Variants in FBXO27 observed in about 807,000 individuals in gnomAD.
The protein encoded by FBXO27 is F-box only protein 27.
A neutral mutation model predicts 28.3 loss-of-function variants in FBXO27; 28 were observed. That is an observed-to-expected ratio of 0.99 (90% confidence interval 0.73 to 1.36). The LOEUF (loss-of-function observed/expected upper bound fraction) is 1.36. Among genes scored for constraint, FBXO27 ranks in the 40% most tolerant of loss-of-function variants. The pLI, the probability that FBXO27 is intolerant of heterozygous loss-of-function variation, is 0.00. For missense variants in FBXO27, 388 were observed against 394.1 expected, an observed-to-expected ratio of 0.98 and a Z score of 0.13; for synonymous variants, 175 against 167.3, an observed-to-expected ratio of 1.05 and a Z score of -0.36.
chr19:39,031,081 G>A lies in FBXO27; in HGVS notation c.520C>T (p.Leu174=). ...CCACTATCCAGCAGTTCTGGCCACAGACCCTCCTCCTCTAGGTCCAAGACC... is the reference window on the plus strand; with the variant it reads ...CCACTATCCAGCAGTTCTGGCCACAAACCCTCCTCCTCTAGGTCCAAGACC... ...KQVLDLEEEG[L]WPELLDSGRI... The change falls in exon 4 of 6, where the codon CTG becomes TTG. Residue 174 remains leucine, a synonymous_variant. Transcript: ENST00000292853. 6.2e-7 allele frequency: 1 copy of A among 1,614,130 alleles called. No individual in the cohort carries two copies.
chr19:39,023,427 G>A (rs569794384), downstream of FBXO27, among the ~76,000 whole-genome samples: 1 of 152,192 alleles, frequency 6.6e-6, no homozygotes, highest in South Asian at 2.1e-4. Context: ...ACTGTTTACT[G>A]TCTTTGACCC....
intron 4 of FBXO27, among the ~76,000 whole-genome samples, chr19:39,029,975 G>C (rs1224488138): frequency 2.0e-5 from 3 of 152,134 alleles, no homozygotes; most frequent in Non-Finnish European, 1.5e-5. Context: ...CTGAGTAGCT[G>C]GGACTACAGA....
intron 2 of FBXO27, chr19:39,031,542 T>G (rs1382393416): frequency 9.1e-6 from 5 of 546,508 alleles, no homozygotes; most frequent in African/African-American, 2.5e-5. Flanking sequence ...CTCCAACCCC[T>G]CTCTCGGGCT....
At chr19:39,030,227 AG>A (rs1422502885) in intron 4 of FBXO27, among the ~76,000 whole-genome samples, 1 of 152,176 alleles carries the variant, frequency 6.6e-6, no homozygotes, top group Non-Finnish European at 1.5e-5. Flanking sequence ...CACAGGATCA[AG>A]GTTCAAAAAA....
At chr19:39,020,133 G>T (rs1009749140), downstream of FBXO27, among the ~76,000 whole-genome samples, 1 of 152,108 alleles carries the variant, frequency 6.6e-6, no homozygotes, top group Non-Finnish European at 1.5e-5. Flanking sequence ...GTAAGGAAGA[G>T]AAGCAAGCAC....
Position 39,025,411 on chromosome 19 carries a change from C to G in FBXO27, c.852G>C (p.Ter284TyrextTer26), listed in dbSNP as rs1568459876. Residue 284 changes from the stop codon to tyrosine (Y), a stop_lost, in exon 6 of 6, where the codon TAG (stop) becomes TAC (tyrosine). Transcript: ENST00000292853. Reference sequence around the variant, plus strand: ...GTCTTGCAAGAAGGGTAGTGCTGGACTAGGACAGACGGACTCGCACGATCA... The same window carrying G: ...GTCTTGCAAGAAGGGTAGTGCTGGAGTAGGACAGACGGACTCGCACGATCA... ...SSVIVRVRLS[*>Y] 1.2e-6 allele frequency: 2 copies of G among 1,612,844 alleles called. No individual in the cohort carries two copies. The highest frequency in any genetic ancestry group is 1.7e-6 in the Non-Finnish European group (2 of 1,179,492).
At chr19:39,030,426 T>C (rs909755697) in intron 4 of FBXO27, 1 of 152,872 alleles carries the variant, frequency 6.5e-6, no homozygotes, top group African/African-American at 2.4e-5. Context: ...TATGCTGTTT[T>C]CTCCTCCTAA....
intron 1 of FBXO27, among the ~76,000 whole-genome samples, chr19:39,015,017 CA>C (rs35545169): frequency 4.8e-4 from 61 of 125,864 alleles, no homozygotes; most frequent in Admixed American, 6.7e-4. Flanking sequence ...GACTCTGTCT[CA>C]AAAAAAAAAA....
chr19:39,031,951 CG>C lies in FBXO27; in HGVS notation c.276del (p.Ala93ProfsTer63). The C allele has an allele frequency of 6.6e-7, 1 of 1,517,940 alleles. No individual in the cohort carries two copies. Among genetic ancestry groups the C allele is most frequent in the Admixed American group, 2.2e-5 (1 of 45,254 alleles). 94.0% of individuals were successfully genotyped at this position (1,517,940 alleles called of 1,614,324 possible). A position where few individuals can be genotyped will look rare whatever the true frequency, so the allele number is the denominator to read the frequency against. On this transcript the variant is annotated frameshift_variant, in exon 2 of 6. Coordinates refer to ENST00000292853, the MANE Select transcript of FBXO27 (RefSeq NM_178820.5). LOFTEE classifies it high-confidence loss of function. ...AGGGGGCAAGGCCTGGCGTTACGGG[CG>C]GGAGACTGGCAGCTGCGGGCGAGGT... is the stretch of plus-strand genomic sequence containing the variant. ...LLHLARSCQS[P>X]ARNARPCPLG...
At chr19:39,031,172 A>G in intron 3 of FBXO27, 37 bp downstream of exon 3, 3 of 1,613,258 alleles carry the variant, frequency 1.9e-6, no homozygotes, top group East Asian at 2.2e-5. Flanking sequence ...GCCTTTCTCA[A>G]CAAGGGGCCG....
At position 39,007,139 on chromosome 19, in the gene FBXO27, G is replaced by A. The variant is rs189209898; in HGVS notation, c.252+7248C>T. ...GCCCCCTGGAGACAGAGAGTTTACA[G>A]TTTTTAGGGAACCCCAGGCAGGAGG... On this transcript the variant is annotated intron_variant, in intron 2 of 2. Coordinates refer to the FBXO27 transcript ENST00000598394. Among the ~76,000 whole-genome samples, 231 of 150,696 alleles carry A rather than the reference G, an allele frequency of 1.5e-3. 1 individual carries two copies. The highest frequency in any genetic ancestry group is 5.4e-3 in the African/African-American group (220 of 41,054).
intron 1 of FBXO27, among the ~76,000 whole-genome samples, chr19:39,018,182 A>C (rs1159742154): frequency 6.6e-6 from 1 of 152,126 alleles, no homozygotes; most frequent in African/African-American, 2.4e-5. Context: ...GGGTTTCACC[A>C]TGTTGGCCAA....
chr19:39,026,814 A>C, intron 5 of FBXO27, 56 bp downstream of exon 5: 14 of 1,608,684 alleles, frequency 8.7e-6, no homozygotes, highest in Non-Finnish European at 1.2e-5. Context: ...GGGGTGATTT[A>C]TTTTGCAGCA....
intron 2 of FBXO27, among the ~76,000 whole-genome samples, chr19:39,007,799 C>G (rs777943841): frequency 6.6e-6 from 1 of 152,068 alleles, no homozygotes. Flanking sequence ...CATGCCACCA[C>G]GCCTGGCTAA....
chr19:39,020,335 G>C (rs1469617370), downstream of FBXO27, among the ~76,000 whole-genome samples: 1 of 152,084 alleles, frequency 6.6e-6, no homozygotes, highest in African/African-American at 2.4e-5. Flanking sequence ...CCGACGCTTT[G>C]TCCTTGAAGT....
chr19:39,020,619 G>C (rs928482046), downstream of FBXO27, among the ~76,000 whole-genome samples: 22 of 152,214 alleles, frequency 1.4e-4, no homozygotes, highest in African/African-American at 4.6e-4. Context: ...ATCCTTGTTA[G>C]AGAAAGGCTA....
At position 39,031,972 on chromosome 19, in the gene FBXO27, C is replaced by A. The variant is rs780938353; in HGVS notation, c.256G>T (p.Ala86Ser). 1 of 1,521,844 alleles carries A rather than the reference C, an allele frequency of 6.6e-7. No homozygotes were observed. The highest frequency in any genetic ancestry group is 8.7e-7 in the Non-Finnish European group (1 of 1,145,372). 94.3% of individuals were successfully genotyped at this position (1,521,844 alleles called of 1,614,324 possible). The change falls in exon 2 of 6, where the codon GCC (alanine) becomes TCC (serine). Residue 86 changes from alanine to serine, a missense_variant. By Grantham distance (99) the Ala-to-Ser change is moderately conservative. Transcript: ENST00000292853. ...CGGGCGGGAGACTGGCAGCTGCGGG[C>A]GAGGTGCAGCAGCGCGCGGCCGGTG... Reference protein sequence around the residue: ...GATGRALLHLARSCQSPARNA... With the variant: ...GATGRALLHLSRSCQSPARNA...
intron 2 of FBXO27, 101 bp downstream of exon 2, chr19:39,031,763 T>C: frequency 8.8e-7 from 1 of 1,140,966 alleles, no homozygotes. Context: ...GCCCTGCCCC[T>C]GCGGCCCCTA....
intron 2 of FBXO27, among the ~76,000 whole-genome samples, chr19:39,007,140 T>A (rs1273225095): frequency 1.3e-5 from 2 of 149,994 alleles, no homozygotes; most frequent in Non-Finnish European, 3.0e-5. Flanking sequence ...GAGTTTACAG[T>A]TTTTAGGGAA....
Sources: allele counts gnomAD v4.1 joint callset (sites outside exome capture counted in the v4.1 genomes callset), GRCh38; gene constraint gnomAD v4.1.1; transcripts MANE v1.5; gene names NCBI Gene and HGNC (gene_info 2026-07-23, HGNC 2026-07-21).